FARP2: variants seen among roughly 807,000 people sequenced by gnomAD.
The protein encoded by FARP2 is FERM, ARH/RhoGEF and pleckstrin domain protein 2, also known as FERM, ARHGEF and pleckstrin domain-containing protein 2.
Under a neutral mutation model 130.5 loss-of-function variants are expected in FARP2, and 111 were observed. That is an observed-to-expected ratio of 0.85 (90% confidence interval 0.73 to 1.00). The LOEUF (loss-of-function observed/expected upper bound fraction) is 1.00, where lower values mean the gene tolerates loss of function less well. FARP2 is among the 50% of genes least tolerant of loss of function. The pLI is 0.00. For synonymous variants in FARP2, 504 were observed against 516.9 expected (o/e 0.98, Z 0.34); for missense variants, 1,385 against 1,346.3 (o/e 1.03, Z -0.45).
At chr2:241,406,581 G>A (rs1030988927) in intron 4 of FARP2, among the ~76,000 whole-genome samples, 3 of 151,224 alleles carry the variant, frequency 2.0e-5, no homozygotes, top group Non-Finnish European at 2.9e-5. Flanking sequence ...CAAGTAGCTG[G>A]AACTTCAGGC....
chr2:241,433,749 G>A (rs565677487), intron 9 of FARP2, among the ~76,000 whole-genome samples: 2 of 152,266 alleles, frequency 1.3e-5, no homozygotes, highest in South Asian at 4.1e-4. Flanking sequence ...TCCTGGGCTG[G>A]GTGCAGTGGT....
intron 7 of FARP2, among the ~76,000 whole-genome samples, chr2:241,414,086 CTG>C (rs1191084409): frequency 2.6e-5 from 4 of 152,110 alleles, no homozygotes; most frequent in South Asian, 2.1e-4. Context: ...GGGGAAGACA[CTG>C]TGCTGTGGTA....
Position 241,413,352 on chromosome 2 carries a change from A to G in FARP2, c.554A>G (p.Lys185Arg), listed in dbSNP as rs1424280957. 2 of 1,612,838 alleles carry G rather than the reference A, an allele frequency of 1.2e-6. No individual in the cohort carries two copies. Among genetic ancestry groups the G allele is most frequent in the South Asian group, 2.2e-5 (2 of 90,402 alleles). The part of the protein sequence containing the change: ...YDETLDREHL[K>R]VNEYLPGQQH... ...GAAACGCTGGACCGAGAGCACCTCA[A>G]AGTGAACGAGTATTTGCCTGGCCAG... Residue 185 changes from lysine to arginine, a missense_variant, in exon 7 of 27, where the codon AAA (lysine) becomes AGA (arginine). Coordinates refer to ENST00000264042, the MANE Select transcript of FARP2 (RefSeq NM_014808.4).
At chr2:241,413,670 C>T (rs753357590) in intron 7 of FARP2, among the ~76,000 whole-genome samples, 1 of 152,210 alleles carries the variant, frequency 6.6e-6, no homozygotes, top group Non-Finnish European at 1.5e-5. Flanking sequence ...AAGCCAGGCA[C>T]GGTGGCTCAT....
intron 13 of FARP2, among the ~76,000 whole-genome samples, chr2:241,454,515 T>C (rs1300606918): frequency 6.6e-6 from 1 of 152,198 alleles, no homozygotes; most frequent in Admixed American, 6.5e-5. Context: ...ACAAAGAAGA[T>C]TCTGGAACAC....
At chr2:241,440,834 C>T (rs1016356545) in intron 12 of FARP2, among the ~76,000 whole-genome samples, 5 of 151,952 alleles carry the variant, frequency 3.3e-5, no homozygotes, top group African/African-American at 1.2e-4. Context: ...ACGTGGACCA[C>T]GTGTCATTAG....
intron 1 of FARP2, among the ~76,000 whole-genome samples, chr2:241,370,033 G>A (rs2061391217): frequency 6.6e-6 from 1 of 152,186 alleles, no homozygotes; most frequent in African/African-American, 2.4e-5. Context: ...AGGTTGGGAA[G>A]GGTAGTAGGG....
rs190915431 is a variant in FARP2, at chr2:241,413,399, C to G, written c.601C>G (p.Leu201Val). Residue 201 changes from leucine to valine, a missense_variant, in exon 7 of 27, where the codon CTA becomes GTA. By Grantham distance (32) the Leu-to-Val change is conservative. Coordinates refer to ENST00000264042, the MANE Select transcript of FARP2 (RefSeq NM_014808.4). ...PGQQHCLEKILEFHQKHVGQT... is the reference protein window; with the variant it reads ...PGQQHCLEKIVEFHQKHVGQT... The stretch of plus-strand genomic sequence containing the variant: ...CCAGCAGCACTGCCTTGAGAAGATA[C>G]TAGAATTCCATCAGAAGCACGTGTA... The G allele has an allele frequency of 5.0e-6, 8 of 1,610,430 alleles. No individual in the cohort carries two copies. Among genetic ancestry groups the G allele is most frequent in the Non-Finnish European group, 6.8e-6 (8 of 1,178,078 alleles).
rs115276079 is a variant in FARP2 at position 241,438,267 on chromosome 2, C to G, written c.1158+1729C>G. On this transcript the variant is annotated intron_variant, in intron 12 of 26. Coordinates refer to ENST00000264042, the MANE Select transcript of FARP2 (RefSeq NM_014808.4). ...ACTTGCACCTCATTATATTAAAGGT[C>G]ATGTGAACTGGGCACAATGGCTCAC... is the stretch of plus-strand genomic sequence containing the variant. Among the ~76,000 whole-genome samples, 809 of 152,194 alleles carry G rather than the reference C, an allele frequency of 5.3e-3. 14 individuals carry two copies. The highest frequency in any genetic ancestry group is 0.018 in the African/African-American group (757 of 41,520).
At chr2:241,397,186 C>T (rs545284785) in intron 2 of FARP2, among the ~76,000 whole-genome samples, 60 of 151,972 alleles carry the variant, frequency 3.9e-4, no homozygotes, top group Admixed American at 9.2e-4. Context: ...GACTGTTGTG[C>T]GGCGAGGGGA....
At chr2:241,388,359 G>A (rs1399789837) in intron 2 of FARP2, among the ~76,000 whole-genome samples, 1 of 152,124 alleles carries the variant, frequency 6.6e-6, no homozygotes, top group African/African-American at 2.4e-5. Context: ...ATGGTGCCTA[G>A]GCAAGTGAAT....
intron 18 of FARP2, among the ~76,000 whole-genome samples, chr2:241,469,089 G>A (rs889950797): frequency 6.8e-6 from 1 of 147,878 alleles, no homozygotes; most frequent in African/African-American, 2.5e-5. Flanking sequence ...TTATGGTTTT[G>A]TGGTTTTTTT....
chr2:241,437,666 A>ATTTTTTTTTTTTTTTTTTTTTTTT (rs1243876155), intron 12 of FARP2, among the ~76,000 whole-genome samples: 1 of 129,242 alleles, frequency 7.7e-6, no homozygotes, highest in Non-Finnish European at 1.7e-5. Context: ...TTATTTATTT[A>ATTTTTTTTTTTTTTTTTTTTTTTT]TTTATTTTTT....
intron 13 of FARP2, 197 bp downstream of exon 13, chr2:241,441,753 T>TG (rs748724770): frequency 3.1e-5 from 25 of 808,924 alleles, no homozygotes; most frequent in Admixed American, 5.0e-5. Context: ...GGCAGTGTCG[T>TG]GGGGGGGCCC....
intron 13 of FARP2, among the ~76,000 whole-genome samples, chr2:241,453,306 G>T (rs149333518): frequency 2.1e-4 from 32 of 151,726 alleles, no homozygotes; most frequent in African/African-American, 5.8e-4. Context: ...CTCCAACCTG[G>T]GCGACAGAGA....
chr2:241,410,873 T>C (rs1299329368), intron 5 of FARP2, 160 bp from the exon 6 acceptor site: 14 of 587,766 alleles, frequency 2.4e-5, no homozygotes, highest in Admixed American at 5.6e-5. Context: ...TGAAAGGCCT[T>C]TTGTGACTTT....
chr2:241,388,182 T>C (rs929081546), intron 2 of FARP2, among the ~76,000 whole-genome samples: 3 of 152,220 alleles, frequency 2.0e-5, no homozygotes, highest in African/African-American at 4.8e-5. Context: ...GCAAAACTTA[T>C]TGTAAAGCTT....
Position 241,484,340 on chromosome 2 carries a change from T to G in FARP2, c.2421+9T>G. The G allele has an allele frequency of 6.2e-7, 1 of 1,611,836 alleles. No individual in the cohort carries two copies. The highest frequency in any genetic ancestry group is 8.5e-7 in the Non-Finnish European group (1 of 1,177,950). ...CCCTCCAAGGCATGCTGGTGAGTGG[T>G]CTTGCACCCTGCCTGGGATTTCCAC... On this transcript the variant is annotated intron_variant, in intron 21 of 26. Transcript: ENST00000264042.
intron 1 of FARP2, among the ~76,000 whole-genome samples, chr2:241,359,721 A>C (rs1424064283): frequency 1.3e-5 from 2 of 152,096 alleles, no homozygotes; most frequent in Non-Finnish European, 2.9e-5. Flanking sequence ...TCCCTTTCTG[A>C]ATTAAACTTC....
Sources: gnomAD v4.1 joint callset for allele counts (sites outside exome capture counted in the v4.1 genomes callset) on GRCh38, gnomAD v4.1.1 for gene constraint, MANE v1.5 for transcripts, NCBI Gene and HGNC (gene_info 2026-07-23, HGNC 2026-07-21) for gene names.